The following MARCHF11 variants were observed in gnomAD, a reference collection of about 807,000 sequenced individuals.
MARCHF11 encodes the protein E3 ubiquitin-protein ligase MARCHF11.
In MARCHF11, 29 loss-of-function variants were observed where a neutral mutation model predicts 37.3. The ratio of observed to expected loss-of-function variants is 0.78; its 90% confidence interval spans 0.58 to 1.06. The LOEUF (loss-of-function observed/expected upper bound fraction) is 1.06. Ranked by LOEUF, MARCHF11 falls within the 50% of genes least tolerant of loss-of-function variation. MARCHF11 has a pLI of 0.00. For missense variants in MARCHF11, 482 were observed against 533.4 expected, an observed-to-expected ratio of 0.90 and a Z score of 0.95; for synonymous variants, 233 against 228.0, an observed-to-expected ratio of 1.02 and a Z score of -0.20.
intron 2 of MARCHF11, among the ~76,000 whole-genome samples, chr5:16,120,333 T>C (rs1737290608): frequency 6.6e-6 from 1 of 152,158 alleles, no homozygotes; most frequent in African/African-American, 2.4e-5. Context: ...TGTTAACTTC[T>C]CACCCGCTTC....
intron 2 of MARCHF11, among the ~76,000 whole-genome samples, chr5:16,147,217 T>A (rs1411143817): frequency 6.6e-6 from 1 of 152,116 alleles, no homozygotes; most frequent in Non-Finnish European, 1.5e-5. Context: ...GTGCTTAGTC[T>A]CTATGCTCAA....
At chr5:16,114,199 T>A (rs1193880910) in intron 2 of MARCHF11, among the ~76,000 whole-genome samples, 3 of 152,220 alleles carry the variant, frequency 2.0e-5, no homozygotes, top group African/African-American at 7.2e-5. Context: ...TGATTACATA[T>A]CTTAGCTACT....
intron 2 of MARCHF11, among the ~76,000 whole-genome samples, chr5:16,169,500 C>A (rs1033017381): frequency 6.7e-4 from 102 of 152,060 alleles, no homozygotes; most frequent in Non-Finnish European, 1.0e-3. Flanking sequence ...GCATTCCACT[C>A]CTAAGGGAAG....
intron 3 of MARCHF11, among the ~76,000 whole-genome samples, chr5:16,074,448 T>C (rs1443984896): frequency 6.6e-6 from 1 of 151,868 alleles, no homozygotes. Flanking sequence ...AAAAGATAAA[T>C]GAAACAAAAA....
At chr5:16,126,805 TG>T (rs1472850977) in intron 2 of MARCHF11, among the ~76,000 whole-genome samples, 2 of 152,224 alleles carry the variant, frequency 1.3e-5, no homozygotes, top group African/African-American at 4.8e-5. Flanking sequence ...ATTCATTGTG[TG>T]TTCCAACCTT....
chr5:16,169,583 T>C (rs570900223), intron 2 of MARCHF11, among the ~76,000 whole-genome samples: 1 of 152,282 alleles, frequency 6.6e-6, no homozygotes, highest in Non-Finnish European at 1.5e-5. Context: ...TCTGGGTTCC[T>C]GTCATGTCTT....
intron 2 of MARCHF11, among the ~76,000 whole-genome samples, chr5:16,099,916 G>A (rs1276327947): frequency 5.3e-5 from 8 of 152,222 alleles, no homozygotes; most frequent in Admixed American, 3.9e-4. Context: ...ATGTGTACTC[G>A]GGAATGCTGT....
intron 2 of MARCHF11, among the ~76,000 whole-genome samples, chr5:16,167,601 C>T (rs1738192363): frequency 6.6e-6 from 1 of 152,090 alleles, no homozygotes. Context: ...GAAACACTTT[C>T]ACAGACATAC....
chr5:16,127,713 G>A (rs573726828), intron 2 of MARCHF11, among the ~76,000 whole-genome samples: 2 of 152,298 alleles, frequency 1.3e-5, no homozygotes, highest in Non-Finnish European at 2.9e-5. Flanking sequence ...AGCTCCTAAG[G>A]CACATGCCTA....
In MARCHF11 at chr5:16,178,951, G is replaced by A. The variant is rs980847876; in HGVS notation, c.537+88C>T. ...AGCCTCACTGGAGGCAAACTGGGAGGTAGGCGTGCGCTGTCCGTGGTGCTG... is the reference window on the plus strand; with the variant it reads ...AGCCTCACTGGAGGCAAACTGGGAGATAGGCGTGCGCTGTCCGTGGTGCTG... On this transcript the variant is annotated intron_variant, in intron 1 of 3. Coordinates refer to ENST00000332432, the MANE Select transcript of MARCHF11 (RefSeq NM_001102562.3). 7 of 1,323,674 alleles carry A rather than the reference G, an allele frequency of 5.3e-6. No individual in the cohort carries two copies. In the African/African-American group the frequency reaches 9.2e-5, roughly 17 times the overall value. 82.0% of individuals were successfully genotyped at this position (1,323,674 alleles called of 1,614,324 possible).
Position 16,067,408 on chromosome 5 carries a change from A to T in MARCHF11, c.*63T>A. 1 of 1,470,788 alleles carries T rather than the reference A, an allele frequency of 6.8e-7. No individual in the cohort carries two copies. The highest frequency in any genetic ancestry group is 9.3e-7 in the Non-Finnish European group (1 of 1,073,896). 91.1% of individuals were successfully genotyped at this position (1,470,788 alleles called of 1,614,324 possible). A position where few individuals can be genotyped will look rare whatever the true frequency, so the allele number is the denominator to read the frequency against. Reference sequence around the variant, plus strand: ...TTTTTAGAAGTGCTATGGTTTTGCCATTCACTGCAATTACATTGCAAAATG... The same window carrying T: ...TTTTTAGAAGTGCTATGGTTTTGCCTTTCACTGCAATTACATTGCAAAATG... On this transcript the variant is annotated 3_prime_UTR_variant, in exon 4 of 4. Transcript: ENST00000332432.
chr5:16,078,172 G>A lies in MARCHF11; in HGVS notation c.887-10379C>T, dbSNP rs141493566. 2.1e-4 allele frequency among the ~76,000 whole-genome samples: 32 copies of A among 152,324 alleles called. No homozygotes were observed. The East Asian group carries it at 6.0e-3, about 28-fold the overall frequency. ...GGTCATCTTACTCATTACACAGGCT[G>A]TGGAGTGACAGGGTCTGGGTTCTTA... On this transcript the variant is annotated intron_variant, in intron 3 of 3. Coordinates refer to ENST00000332432, the MANE Select transcript of MARCHF11 (RefSeq NM_001102562.3).
chr5:16,142,019 C>G (rs1291805268), intron 2 of MARCHF11, among the ~76,000 whole-genome samples: 3 of 152,180 alleles, frequency 2.0e-5, no homozygotes, highest in Admixed American at 6.5e-5. Flanking sequence ...ATGGTTTCCA[C>G]ATAAGTCACT....
At chr5:16,111,052 C>A (rs1179579961) in intron 2 of MARCHF11, among the ~76,000 whole-genome samples, 1 of 152,166 alleles carries the variant, frequency 6.6e-6, no homozygotes, top group Non-Finnish European at 1.5e-5. Context: ...TCACCTTCTG[C>A]CATGATTGGA....
intron 1 of MARCHF11, among the ~76,000 whole-genome samples, chr5:16,178,343 C>T (rs1210115583): frequency 1.3e-5 from 2 of 152,174 alleles, no homozygotes; most frequent in Non-Finnish European, 2.9e-5. Context: ...TATTCTTATG[C>T]AATTTCCTTA....
intron 2 of MARCHF11, among the ~76,000 whole-genome samples, chr5:16,099,866 C>G (rs1182607216): frequency 6.6e-6 from 1 of 152,086 alleles, no homozygotes; most frequent in African/African-American, 2.4e-5. Flanking sequence ...CTCAATCATG[C>G]CACGAACAGA....
chr5:16,156,225 C>T (rs1222689347), intron 2 of MARCHF11, among the ~76,000 whole-genome samples: 3 of 151,914 alleles, frequency 2.0e-5, no homozygotes, highest in Admixed American at 2.0e-4. Flanking sequence ...TTTGATCAGA[C>T]ATCTGAGAGA....
chr5:16,179,420 C>G lies in MARCHF11; in HGVS notation c.156G>C (p.Leu52=), dbSNP rs1738430062. The G allele has an allele frequency of 8.9e-7, 1 of 1,123,028 alleles. No homozygotes were observed. The highest frequency in any genetic ancestry group is 1.7e-5 in the African/African-American group (1 of 60,180). 69.6% of individuals were successfully genotyped at this position (1,123,028 alleles called of 1,614,324 possible). The change falls in exon 1 of 4, where the codon CTG becomes CTC. Residue 52 remains leucine, a synonymous_variant. Transcript: ENST00000332432. ...GCTCGGGGGTCTCGGGGGACGCGGG[C>G]AGCGGCGGCAGGTAGCGCGGGGCCG... ...VPAAPRYLPP[L]PASPETPERA...
chr5:16,068,573 G>A (rs1026068336), intron 3 of MARCHF11, among the ~76,000 whole-genome samples: 3 of 152,104 alleles, frequency 2.0e-5, no homozygotes, highest in African/African-American at 4.8e-5. Context: ...ATCTTTCCAC[G>A]TTTCTGAGAC....
Sources: gnomAD v4.1 joint callset for allele counts (sites outside exome capture counted in the v4.1 genomes callset) on GRCh38, gnomAD v4.1.1 for gene constraint, MANE v1.5 for transcripts, NCBI Gene and HGNC (gene_info 2026-07-23, HGNC 2026-07-21) for gene names.